The following RYR3 variants were observed in gnomAD, a reference collection of about 807,000 sequenced individuals.
RYR3 encodes the protein ryanodine receptor 3.
Under a neutral mutation model 584.3 loss-of-function variants are expected in RYR3, and 207 were observed. The ratio of observed to expected loss-of-function variants is 0.35; its 90% CI spans 0.32 to 0.40. The LOEUF (loss-of-function observed/expected upper bound fraction) is 0.40, where lower values mean the gene tolerates loss of function less well. Among genes scored for constraint, RYR3 ranks in the 10% least tolerant of loss-of-function variants. RYR3 has a pLI of 1.00. For missense variants in RYR3, 5,616 were observed against 6,089.2 expected, an observed-to-expected ratio of 0.92 and a Z score of 2.59; for synonymous variants, 2,416 against 2,248.5, an observed-to-expected ratio of 1.07 and a Z score of -2.11.
chr15:33,805,527 G>C (rs146131147), intron 69 of RYR3, among the ~76,000 whole-genome samples: 2,694 of 149,962 alleles, frequency 0.018, 38 homozygotes, highest in Non-Finnish European at 0.027. Context: ...GCCCAGGCTG[G>C]AGTACAGTGG....
At chr15:33,623,352 C>CT (rs1247940884) in intron 19 of RYR3, among the ~76,000 whole-genome samples, 1 of 152,218 alleles carries the variant, frequency 6.6e-6, no homozygotes, top group African/African-American at 2.4e-5. Context: ...GATTTTAATA[C>CT]TTTCTCCATA....
intron 94 of RYR3, chr15:33,849,479 CTGGCACGTGGT>C (rs1395257717): frequency 6.6e-6 from 1 of 152,216 alleles, no homozygotes; most frequent in Non-Finnish European, 1.5e-5. Context: ...TGGCAAATGC[CTGGCACGTGGT>C]AGGCATTAAG....
intron 31 of RYR3, among the ~76,000 whole-genome samples, chr15:33,652,105 CT>C (rs977659098): frequency 6.6e-6 from 1 of 152,132 alleles, no homozygotes. Context: ...AGCAAGGCAC[CT>C]AAGCTGATGG....
chr15:33,417,987 GCGTAT>G (rs1186890224), intron 1 of RYR3, among the ~76,000 whole-genome samples: 1 of 152,076 alleles, frequency 6.6e-6, no homozygotes, highest in East Asian at 1.9e-4. Flanking sequence ...ACATCAAATT[GCGTAT>G]GTTGAACCAT....
At chr15:33,811,374 G>A (rs866456884) in intron 72 of RYR3, among the ~76,000 whole-genome samples, 9 of 152,004 alleles carry the variant, frequency 5.9e-5, no homozygotes, top group South Asian at 2.1e-4. Context: ...GCGTGGTGGC[G>A]GGCGCCTGTA....
chr15:33,726,646 C>G, intron 46 of RYR3, 140 bp downstream of exon 46: 1 of 870,956 alleles, frequency 1.1e-6, no homozygotes, highest in Non-Finnish European at 1.7e-6. Flanking sequence ...ACTCTTTTTC[C>G]TGTGATGAGT....
At chr15:33,764,592 A>T (rs925040704) in intron 60 of RYR3, among the ~76,000 whole-genome samples, 3 of 150,280 alleles carry the variant, frequency 2.0e-5, no homozygotes, top group Non-Finnish European at 3.0e-5. Context: ...AAAAAAAAAA[A>T]TGAGCATCTG....
At chr15:33,828,896 T>C (rs1447901622) in intron 85 of RYR3, among the ~76,000 whole-genome samples, 1 of 151,778 alleles carries the variant, frequency 6.6e-6, no homozygotes, top group Non-Finnish European at 1.5e-5. Flanking sequence ...AGAAGAGAGA[T>C]ACCATCTAGG....
chr15:33,696,454 G>T lies in RYR3; in HGVS notation c.6097G>T (p.Gly2033Cys). 1 of 1,613,986 alleles carries T rather than the reference G, an allele frequency of 6.2e-7. No homozygotes were observed. The highest frequency in any genetic ancestry group is 8.5e-7 in the Non-Finnish European group (1 of 1,179,894). ...CCGCTCCCTCCTCAGTGTCAGGATGGGCAAGGAAGAGGAGTTGCTCATGAT... is the reference window on the plus strand; with the variant it reads ...CCGCTCCCTCCTCAGTGTCAGGATGTGCAAGGAAGAGGAGTTGCTCATGAT... ...QIRSLLSVRM[G>C]KEEELLMING... The change falls in exon 39 of 104, where the codon GGC (glycine) becomes TGC (cysteine). Residue 2033 changes from glycine (G) to cysteine (C), a missense_variant. Gly to Cys is a radical substitution (Grantham distance 159, BLOSUM62 -3). Coordinates refer to ENST00000634891, the MANE Select transcript of RYR3 (RefSeq NM_001036.6).
At chr15:33,863,383 A>ACC (rs1413913585) in intron 102 of RYR3, among the ~76,000 whole-genome samples, 1 of 152,184 alleles carries the variant, frequency 6.6e-6, no homozygotes, top group Non-Finnish European at 1.5e-5. Context: ...TATACACTAT[A>ACC]CCACCATGAC....
chr15:33,334,281 AT>A (rs1157167497), intron 1 of RYR3, among the ~76,000 whole-genome samples: 1 of 152,234 alleles, frequency 6.6e-6, no homozygotes, highest in African/African-American at 2.4e-5. Flanking sequence ...ACTTCAAACT[AT>A]ACTAAAAGGC....
chr15:33,362,396 C>T (rs144924676), intron 1 of RYR3, among the ~76,000 whole-genome samples: 52 of 152,034 alleles, frequency 3.4e-4, no homozygotes, highest in African/African-American at 1.1e-3. Flanking sequence ...AAATGTCTGT[C>T]GTCATCATCA....
At chr15:33,621,834 A>T (rs1346231989) in intron 19 of RYR3, among the ~76,000 whole-genome samples, 1 of 152,210 alleles carries the variant, frequency 6.6e-6, no homozygotes, top group African/African-American at 2.4e-5. Flanking sequence ...TTCCACGATC[A>T]CAATTATGCA....
At chr15:33,542,916 T>C (rs774413148) in intron 7 of RYR3, among the ~76,000 whole-genome samples, 17 of 152,144 alleles carry the variant, frequency 1.1e-4, no homozygotes, top group Non-Finnish European at 2.5e-4. Flanking sequence ...CAGCATTTAT[T>C]TGAAGACAAA....
chr15:33,607,785 CTAA>C (rs1351847709), intron 18 of RYR3, among the ~76,000 whole-genome samples: 1 of 151,886 alleles, frequency 6.6e-6, no homozygotes, highest in Non-Finnish European at 1.5e-5. Context: ...TACTGTTAGC[CTAA>C]TAATTAAGGT....
chr15:33,767,615 C>A (rs1339780073), intron 60 of RYR3, among the ~76,000 whole-genome samples: 1 of 152,210 alleles, frequency 6.6e-6, no homozygotes, highest in East Asian at 1.9e-4. Context: ...TGGAAGACTT[C>A]TGCCCTGAAT....
chr15:33,638,570 G>A (rs980789846), intron 27 of RYR3, among the ~76,000 whole-genome samples: 1 of 152,184 alleles, frequency 6.6e-6, no homozygotes, highest in Non-Finnish European at 1.5e-5. Flanking sequence ...CTGCTTGTTA[G>A]CAATGAGGAA....
chr15:33,465,661 C>G, intron 1 of RYR3: 1 of 512,196 alleles, frequency 2.0e-6, no homozygotes, highest in Non-Finnish European at 3.9e-6. Context: ...TTAAAAGACT[C>G]TGGCTACTGT....
intron 35 of RYR3, 26 bp downstream of exon 35, chr15:33,662,974 G>A (rs372757795): frequency 2.5e-6 from 4 of 1,591,148 alleles, no homozygotes; most frequent in Admixed American, 1.7e-5. Flanking sequence ...TTAAGTGGAG[G>A]CAGGTTAATA....
Sources: allele counts gnomAD v4.1 joint callset (sites outside exome capture counted in the v4.1 genomes callset), GRCh38; gene constraint gnomAD v4.1.1; transcripts MANE v1.5; gene names NCBI Gene and HGNC (gene_info 2026-07-23, HGNC 2026-07-21).